Variants in CDC16 observed in about 807,000 individuals in gnomAD.
The protein encoded by CDC16 is cell division cycle 16.
Under a neutral mutation model 87.0 loss-of-function variants are expected in CDC16, and 34 were observed. That is an observed-to-expected ratio of 0.39 (90% CI 0.30 to 0.52). The LOEUF (loss-of-function observed/expected upper bound fraction) is 0.52, where lower values mean the gene tolerates loss of function less well. CDC16 is among the 20% of genes least tolerant of loss of function. The pLI is 0.74. For missense variants in CDC16, 653 were observed against 751.9 expected (o/e 0.87, Z 1.54); for synonymous variants, 263 against 260.6 (o/e 1.01, Z -0.09).
chr13:114,257,563 A>G (rs569158523), intron 13 of CDC16, among the ~76,000 whole-genome samples: 1 of 152,278 alleles, frequency 6.6e-6, no homozygotes, highest in South Asian at 2.1e-4. Context: ...GAATTTACGT[A>G]TTTGAGAAGA....
At chr13:114,238,570 G>A (rs192177554) in intron 3 of CDC16, among the ~76,000 whole-genome samples, 50 of 152,328 alleles carry the variant, frequency 3.3e-4, no homozygotes, top group Non-Finnish European at 4.9e-4. Flanking sequence ...GAGCTGCTGC[G>A]ATCTCCTTGG....
At chr13:114,244,079 G>T in intron 8 of CDC16, 90 bp downstream of exon 8, 1 of 863,546 alleles carries the variant, frequency 1.2e-6, no homozygotes, top group Non-Finnish European at 1.8e-6. Flanking sequence ...GAATAATCTT[G>T]AACTAGATGA....
intron 8 of CDC16, chr13:114,244,627 A>G (rs1262875506): frequency 1.0e-5 from 3 of 286,046 alleles, no homozygotes; most frequent in Non-Finnish European, 1.3e-5. Flanking sequence ...TATTTTATGT[A>G]TTACAATTCT....
At position 114,243,879 on chromosome 13, in the gene CDC16, C is replaced by T. The variant is rs2081698304; in HGVS notation, c.657C>T (p.Val219=). Reference sequence around the variant, plus strand: ...AGTATAATAAGCCTAGTGAAACGGTCATCCCTGAATCTGTAGATGGCTTGC... The same window carrying T: ...AGTATAATAAGCCTAGTGAAACGGTTATCCCTGAATCTGTAGATGGCTTGC... ...LKKYNKPSET[V]IPESVDGLQE... The change falls in exon 8 of 18, where the codon GTC becomes GTT. Residue 219 remains valine, a synonymous_variant. Transcript: ENST00000356221. 1.9e-6 allele frequency: 3 copies of T among 1,609,932 alleles called. No individual in the cohort carries two copies. The highest frequency in any genetic ancestry group is 2.5e-6 in the Non-Finnish European group (3 of 1,176,752).
chr13:114,241,866 CAT>C (rs1356022360), intron 5 of CDC16, among the ~76,000 whole-genome samples: 1 of 152,122 alleles, frequency 6.6e-6, no homozygotes, highest in Non-Finnish European at 1.5e-5. Context: ...GCCTAGGCAA[CAT>C]AGCAAGATTG....
At chr13:114,245,001 TAGAC>T (rs1490975844) in intron 9 of CDC16, 32 bp downstream of exon 9, 5 of 1,284,716 alleles carry the variant, frequency 3.9e-6, no homozygotes, top group Non-Finnish European at 5.5e-6. Context: ...AAGTAATTCT[TAGAC>T]ATAAAACAAA....
At chr13:114,235,797 T>A (rs565325949) in intron 1 of CDC16, among the ~76,000 whole-genome samples, 1 of 152,260 alleles carries the variant, frequency 6.6e-6, no homozygotes, top group Non-Finnish European at 1.5e-5. Flanking sequence ...CGTGGCCAAA[T>A]GTTTGCAGTC....
At chr13:114,268,110 AG>A (rs2083359682) in intron 17 of CDC16, among the ~76,000 whole-genome samples, 1 of 152,022 alleles carries the variant, frequency 6.6e-6, no homozygotes, top group Non-Finnish European at 1.5e-5. Context: ...CTGTCCACCA[AG>A]GGTCCCGAGT....
chr13:114,247,378 G>A, intron 11 of CDC16: 1 of 192,292 alleles, frequency 5.2e-6, no homozygotes, highest in Non-Finnish European at 1.1e-5. Context: ...GTGTTGCCTA[G>A]GCTGGTCTTG....
At chr13:114,244,826 C>G (rs376925220) in intron 8 of CDC16, 64 bp from the exon 9 acceptor site, 1 of 943,546 alleles carries the variant, frequency 1.1e-6, no homozygotes, top group South Asian at 1.4e-5. Flanking sequence ...CTACACATAG[C>G]CGATCGTCGT....
intron 12 of CDC16, among the ~76,000 whole-genome samples, chr13:114,256,039 C>T (rs972713120): frequency 8.5e-5 from 13 of 152,176 alleles, no homozygotes; most frequent in African/African-American, 2.4e-4. Flanking sequence ...GGCTTTACAA[C>T]GGCTGTTGTT....
In CDC16 at chr13:114,234,989, C is replaced by G; in HGVS notation, c.-96C>G. On this transcript the variant is annotated 5_prime_UTR_variant, in exon 1 of 18. Coordinates refer to ENST00000356221, the MANE Select transcript of CDC16 (RefSeq NM_001078645.3). ...TCGAGTCCTGGGGCGGCGGCGGCGG[C>G]TGCAGGCACGGGCACGGGCACGGGG... 9.7e-7 allele frequency: 1 copy of G among 1,029,504 alleles called. No homozygotes were observed. The highest frequency in any genetic ancestry group is 1.2e-6 in the Non-Finnish European group (1 of 804,356). 63.8% of individuals were successfully genotyped at this position (1,029,504 alleles called of 1,614,324 possible).
chr13:114,236,501 G>A (rs1436174194), intron 1 of CDC16, 144 bp from the exon 2 acceptor site: 1 of 671,848 alleles, frequency 1.5e-6, no homozygotes, highest in Non-Finnish European at 2.1e-6. Flanking sequence ...AGATAGAGAT[G>A]TAACAAATTG....
rs2081433713 is a variant in CDC16, at chr13:114,239,486, C to A, written c.377C>A (p.Ser126Tyr). The A allele has an allele frequency of 6.2e-7, 1 of 1,609,750 alleles. No individual in the cohort carries two copies. Among genetic ancestry groups the A allele is most frequent in the African/African-American group, 1.3e-5 (1 of 74,836 alleles). ...DPSSDWEMSQ[S>Y]SIKSSICLLR... ...TCCAGCGACTGGGAAATGTCACAGT[C>A]TTCAGTAAGTAGTACTGTGAGCACA... Residue 126 changes from serine (S) to tyrosine (Y), a missense_variant, in exon 5 of 18, where the codon TCT becomes TAT. Physicochemically the swap from Ser to Tyr is moderately radical, Grantham distance 144. Transcript: ENST00000356221.
intron 12 of CDC16, among the ~76,000 whole-genome samples, chr13:114,254,658 A>G (rs2082391524): frequency 6.6e-6 from 1 of 152,200 alleles, no homozygotes; most frequent in Non-Finnish European, 1.5e-5. Context: ...ATACTGTCTC[A>G]TAATTACCAA....
chr13:114,236,690 C>G lies in CDC16; in HGVS notation c.94C>G (p.Leu32Val). 9.9e-6 allele frequency: 16 copies of G among 1,613,204 alleles called. No homozygotes were observed. Among genetic ancestry groups the G allele is most frequent in the Non-Finnish European group, 1.3e-5 (15 of 1,179,882 alleles). ...ALFWADKVAS[L>V]SREEPQDIYW... ...ATTTTGGGCAGATAAAGTAGCTTCA[C>G]TCTCTCGTGGTAAGTGACAAAATGC... The change falls in exon 2 of 18, where the codon CTC (leucine) becomes GTC (valine). Residue 32 changes from leucine to valine, a missense_variant. Leu to Val is a conservative substitution (Grantham distance 32). Transcript: ENST00000356221.
intron 5 of CDC16, among the ~76,000 whole-genome samples, chr13:114,240,431 G>C (rs1446161122): frequency 6.6e-6 from 1 of 152,052 alleles, no homozygotes; most frequent in Non-Finnish European, 1.5e-5. Flanking sequence ...GGATGGTCTC[G>C]ATCTCCTGAC....
In CDC16 at chr13:114,259,024, G is replaced by A. The variant is rs17338179; in HGVS notation, c.1251-311G>A. ...TGAGGCACAAGAATCACTTAAACCC[G>A]GGAGGCAGAGGCTGCAGTGAGCTGA... On this transcript the variant is annotated intron_variant, in intron 13 of 17. Coordinates refer to ENST00000356221, the MANE Select transcript of CDC16 (RefSeq NM_001078645.3). 1.6e-3 allele frequency among the ~76,000 whole-genome samples: 240 copies of A among 151,336 alleles called. 1 individual carries two copies. Among genetic ancestry groups the A allele is most frequent in the African/African-American group, 5.5e-3 (226 of 41,130 alleles).
intron 12 of CDC16, among the ~76,000 whole-genome samples, chr13:114,251,884 C>A (rs2082198355): frequency 6.6e-6 from 1 of 152,178 alleles, no homozygotes; most frequent in African/African-American, 2.4e-5. Flanking sequence ...TGGATGAGAA[C>A]CTTACACGAA....
Sources: allele counts gnomAD v4.1 joint callset (sites outside exome capture counted in the v4.1 genomes callset), GRCh38; gene constraint gnomAD v4.1.1; transcripts MANE v1.5; gene names NCBI Gene and HGNC (gene_info 2026-07-23, HGNC 2026-07-21).